Variants in KCNIP4 observed in about 807,000 individuals in gnomAD.
KCNIP4 encodes the protein potassium voltage-gated channel interacting protein 4.
KCNIP4 carries 12 observed loss-of-function variants against 34.0 expected under a neutral mutation model. The observed-to-expected ratio is 0.35, with a 90% CI of 0.23 to 0.57. The LOEUF is 0.57. Ranked by LOEUF, KCNIP4 falls within the 20% of genes least tolerant of loss-of-function variation. The pLI, the probability that KCNIP4 is intolerant of heterozygous loss-of-function variation, is 0.83. For synonymous variants in KCNIP4, 124 were observed against 102.2 expected (o/e 1.21, Z -1.29); for missense variants, 238 against 311.7 (o/e 0.76, Z 1.78).
intron 5 of KCNIP4, among the ~76,000 whole-genome samples, chr4:20,748,890 G>C (rs1753014901): frequency 8.1e-6 from 1 of 122,858 alleles, no homozygotes; most frequent in African/African-American, 3.6e-5. Flanking sequence ...GTATGTGTGT[G>C]TGTGTATATA....
chr4:21,515,407 G>C (rs894454307), intron 1 of KCNIP4, among the ~76,000 whole-genome samples: 3 of 152,168 alleles, frequency 2.0e-5, no homozygotes, highest in Non-Finnish European at 4.4e-5. Flanking sequence ...GGGAGGCAGA[G>C]ACGGGTGGAT....
chr4:21,458,577 A>G (rs1438351177), intron 1 of KCNIP4, among the ~76,000 whole-genome samples: 4 of 152,086 alleles, frequency 2.6e-5, no homozygotes, highest in Non-Finnish European at 5.9e-5. Context: ...CAAGAGGTAT[A>G]GTAGGAAAAG....
chr4:21,178,598 A>G (rs16870540), intron 1 of KCNIP4, among the ~76,000 whole-genome samples: 3,679 of 146,552 alleles, frequency 0.025, 118 homozygotes, highest in Non-Finnish European at 0.026. Context: ...TAAGGAAATA[A>G]TAGGCATGTG....
chr4:20,754,331 T>A (rs1375753180), intron 4 of KCNIP4, among the ~76,000 whole-genome samples: 3 of 152,172 alleles, frequency 2.0e-5, no homozygotes, highest in Admixed American at 6.5e-5. Flanking sequence ...GACAAAGCAC[T>A]TTCCTGGAGG....
chr4:20,836,356 G>T (rs73242512), intron 3 of KCNIP4, among the ~76,000 whole-genome samples: 10,844 of 152,088 alleles, frequency 0.071, 491 homozygotes, highest in Non-Finnish European at 0.1. Flanking sequence ...TTTCATTACT[G>T]GTTTTCTCCT....
At chr4:21,624,221 A>C (rs917851336) in intron 1 of KCNIP4, among the ~76,000 whole-genome samples, 5 of 152,214 alleles carry the variant, frequency 3.3e-5, no homozygotes, top group African/African-American at 1.2e-4. Flanking sequence ...TATAATATAT[A>C]TATAAGAAGA....
At chr4:21,380,468 A>AGG (rs1560348007) in intron 1 of KCNIP4, among the ~76,000 whole-genome samples, 1 of 144,378 alleles carries the variant, frequency 6.9e-6, no homozygotes, top group African/African-American at 2.5e-5. Flanking sequence ...GGAGAGAGAG[A>AGG]GAGAGAGGGA....
At chr4:20,989,215 T>G (rs1736862665) in intron 1 of KCNIP4, among the ~76,000 whole-genome samples, 1 of 152,240 alleles carries the variant, frequency 6.6e-6, no homozygotes. Flanking sequence ...GTCAGTTTAA[T>G]TTACAGGGTC....
chr4:20,919,979 A>G (rs1206553007), intron 1 of KCNIP4, among the ~76,000 whole-genome samples: 1 of 152,094 alleles, frequency 6.6e-6, no homozygotes, highest in East Asian at 1.9e-4. Flanking sequence ...CCTGCTCGCT[A>G]CTTATTTTGA....
At chr4:20,731,297 A>G in intron 8 of KCNIP4, 3 of 719,204 alleles carry the variant, frequency 4.2e-6, no homozygotes, top group Non-Finnish European at 5.1e-6. Flanking sequence ...TGGACTCAAA[A>G]TCCTGGCCTT....
intron 1 of KCNIP4, among the ~76,000 whole-genome samples, chr4:21,904,702 C>T (rs1727893612): frequency 6.6e-6 from 1 of 152,162 alleles, no homozygotes; most frequent in African/African-American, 2.4e-5. Flanking sequence ...ATTTCTCAGC[C>T]TCAGAATTAT....
intron 1 of KCNIP4, among the ~76,000 whole-genome samples, chr4:21,234,931 C>T (rs35018544): frequency 0.22 from 33,739 of 151,804 alleles, 4,210 homozygotes; most frequent in South Asian, 0.43. Context: ...TATAGGCATA[C>T]GCCACCACTT....
chr4:21,333,787 G>A lies in KCNIP4; in HGVS notation c.62-451078C>T, dbSNP rs541327520. On this transcript the variant is annotated intron_variant, in intron 1 of 8. Coordinates refer to ENST00000382152, the MANE Select transcript of KCNIP4 (RefSeq NM_025221.6). Reference sequence around the variant, plus strand: ...TAAAAATCTTCTACATAAACCTGCCGTAATAAATTAAAGATGTGTTAAAAG... The same window carrying A: ...TAAAAATCTTCTACATAAACCTGCCATAATAAATTAAAGATGTGTTAAAAG... Among the ~76,000 whole-genome samples, 322 of 152,138 alleles carry A rather than the reference G, an allele frequency of 2.1e-3. 3 individuals carry two copies. The highest frequency in any genetic ancestry group is 7.1e-3 in the African/African-American group (294 of 41,524).
At chr4:20,991,887 T>A (rs1191806514) in intron 1 of KCNIP4, among the ~76,000 whole-genome samples, 6 of 152,122 alleles carry the variant, frequency 3.9e-5, no homozygotes, top group Non-Finnish European at 5.9e-5. Context: ...GCCATAGATA[T>A]ACCACTTCAT....
At chr4:21,440,177 AT>A (rs1461443071) in intron 1 of KCNIP4, among the ~76,000 whole-genome samples, 16 of 152,378 alleles carry the variant, frequency 1.1e-4, no homozygotes, top group African/African-American at 3.8e-4. Context: ...TTGTTGCAAT[AT>A]CATTAATAGT....
chr4:20,730,144 C>T lies in KCNIP4; in HGVS notation c.706-15G>A, dbSNP rs967043483. The T allele has an allele frequency of 1.9e-6, 3 of 1,597,536 alleles. No individual in the cohort carries two copies. The highest frequency in any genetic ancestry group is 2.6e-6 in the Non-Finnish European group (3 of 1,173,254). On this transcript the variant is annotated splice_polypyrimidine_tract_variant and intron_variant, in intron 8 of 8. Coordinates refer to ENST00000382152, the MANE Select transcript of KCNIP4 (RefSeq NM_025221.6). Reference sequence around the variant, plus strand: ...ATGTTTTCATCCTGTAAGGGAGAAACACAGAGCGATTAAATTCAGCATATC... The same window carrying T: ...ATGTTTTCATCCTGTAAGGGAGAAATACAGAGCGATTAAATTCAGCATATC...
chr4:21,253,689 G>T (rs1392243924), intron 1 of KCNIP4, among the ~76,000 whole-genome samples: 1 of 152,188 alleles, frequency 6.6e-6, no homozygotes, highest in African/African-American at 2.4e-5. Flanking sequence ...GTCCACTGGA[G>T]AGGAGCTAAA....
intron 1 of KCNIP4, among the ~76,000 whole-genome samples, chr4:21,386,729 C>T (rs190457167): frequency 1.3e-5 from 2 of 152,110 alleles, no homozygotes; most frequent in African/African-American, 4.8e-5. Flanking sequence ...ACACGACTAA[C>T]ATTTTTAGAG....
At chr4:21,728,607 G>C (rs1475925513) in intron 1 of KCNIP4, among the ~76,000 whole-genome samples, 5 of 152,106 alleles carry the variant, frequency 3.3e-5, no homozygotes, top group African/African-American at 9.7e-5. Context: ...CATTCCATTT[G>C]AGGAAAAAGC....
Sources: allele counts gnomAD v4.1 joint callset (sites outside exome capture counted in the v4.1 genomes callset), GRCh38; gene constraint gnomAD v4.1.1; transcripts MANE v1.5; gene names NCBI Gene and HGNC (gene_info 2026-07-23, HGNC 2026-07-21).